Variants in LRBA observed in about 807,000 individuals in gnomAD.
LRBA encodes LPS responsive beige-like anchor protein, also known as lipopolysaccharide-responsive and beige-like anchor protein.
In LRBA, 176 loss-of-function variants were observed where a neutral mutation model predicts 330.0. The ratio of observed to expected loss-of-function variants is 0.53; its 90% CI spans 0.47 to 0.60. LRBA has a LOEUF of 0.60. Among genes scored for constraint, LRBA ranks in the 20% least tolerant of loss-of-function variants. LRBA has a pLI of 0.00. For missense variants in LRBA, 3,259 were observed against 3,444.8 expected, an observed-to-expected ratio of 0.95 and a Z score of 1.35; for synonymous variants, 1,230 against 1,193.0, an observed-to-expected ratio of 1.03 and a Z score of -0.64.
chr4:150,436,145 G>A (rs1165587504), intron 45 of LRBA, among the ~76,000 whole-genome samples: 11 of 152,094 alleles, frequency 7.2e-5, no homozygotes, highest in Non-Finnish European at 2.9e-5. Flanking sequence ...ACATATTAGT[G>A]GATAATTGCT....
intron 2 of LRBA, among the ~76,000 whole-genome samples, chr4:151,004,248 G>A (rs1743752593): frequency 6.6e-6 from 1 of 152,018 alleles, no homozygotes; most frequent in Non-Finnish European, 1.5e-5. Context: ...TCTTGGCCAC[G>A]CTGTTCTTGA....
chr4:150,472,411 A>G (rs151095810), intron 42 of LRBA, among the ~76,000 whole-genome samples: 1 of 152,272 alleles, frequency 6.6e-6, no homozygotes, highest in African/African-American at 2.4e-5. Flanking sequence ...TTTCTACCAC[A>G]AAAAACAAGG....
chr4:150,299,728 A>T (rs1729411273), intron 53 of LRBA, among the ~76,000 whole-genome samples: 1 of 151,998 alleles, frequency 6.6e-6, no homozygotes, highest in Non-Finnish European at 1.5e-5. Context: ...AAATAAAAAA[A>T]CCCTGAGATA....
At chr4:150,924,265 A>C (rs1579218589) in intron 4 of LRBA, among the ~76,000 whole-genome samples, 1 of 152,152 alleles carries the variant, frequency 6.6e-6, no homozygotes, top group Non-Finnish European at 1.5e-5. Context: ...TAATCTCAAC[A>C]CTTTAGGAGG....
chr4:150,793,284 C>A (rs917593097), intron 34 of LRBA, among the ~76,000 whole-genome samples: 2 of 151,896 alleles, frequency 1.3e-5, no homozygotes, highest in Admixed American at 6.6e-5. Flanking sequence ...GCCTGGGCAA[C>A]AGAGCAAGAC....
chr4:150,946,931 A>C (rs1450188271), intron 2 of LRBA, among the ~76,000 whole-genome samples: 1 of 151,552 alleles, frequency 6.6e-6, no homozygotes, highest in East Asian at 1.9e-4. Context: ...AAAAAAAAAA[A>C]TAGGGAATAC....
chr4:150,481,536 T>A (rs1757298340), intron 42 of LRBA, among the ~76,000 whole-genome samples: 1 of 152,058 alleles, frequency 6.6e-6, no homozygotes, highest in South Asian at 2.1e-4. Flanking sequence ...CTCTAAAAGG[T>A]CCCTCATAAC....
In LRBA at chr4:150,489,287, A is replaced by ACGTATATATAATATATTATATATAC. The variant is rs1561250553; in HGVS notation, c.6449-1454_6449-1453insGTATATATAATATATTATATATACG. Among the ~76,000 whole-genome samples, 60 of 57,164 alleles carry ACGTATATATAATATATTATATATAC rather than the reference A, an allele frequency of 1.0e-3. 6 individuals carry two copies. The Admixed American group carries it at 0.017, about 17-fold the overall frequency. 37.5% of individuals were successfully genotyped at this position (57,164 alleles called of 152,430 possible). On this transcript the variant is annotated intron_variant, in intron 41 of 56. Transcript: ENST00000651943. ...AAGAATATATAATATATTATATATAAGAATATATAATATATTATATATAAG... is the reference window on the plus strand; with the variant it reads ...AAGAATATATAATATATTATATATAACGTATATATAATATATTATATATACGAATATATAATATATTATATATAAG...
intron 2 of LRBA, among the ~76,000 whole-genome samples, chr4:150,959,275 T>C (rs1001717862): frequency 8.1e-5 from 12 of 149,068 alleles, no homozygotes; most frequent in East Asian, 1.9e-4. Context: ...ACTTATCCAC[T>C]ATCAAGAGAA....
chr4:150,863,793 C>A (rs1406650532), intron 22 of LRBA, among the ~76,000 whole-genome samples: 1 of 152,074 alleles, frequency 6.6e-6, no homozygotes, highest in Non-Finnish European at 1.5e-5. Context: ...CTCACAAGCT[C>A]AAAACACCTG....
At chr4:150,890,798 A>G (rs1729380548) in intron 17 of LRBA, among the ~76,000 whole-genome samples, 7 of 152,208 alleles carry the variant, frequency 4.6e-5, no homozygotes, top group Admixed American at 4.6e-4. Context: ...TGAACCAAAA[A>G]TTCACACACT....
At chr4:151,002,196 C>CAAAAAA (rs143587760) in intron 2 of LRBA, among the ~76,000 whole-genome samples, 4 of 24,384 alleles carry the variant, frequency 1.6e-4, no homozygotes, top group South Asian at 2.9e-3. Flanking sequence ...CATAAAACAG[C>CAAAAAA]AAAAAAAAAA....
chr4:150,296,331 A>G (rs1317426459), intron 53 of LRBA, among the ~76,000 whole-genome samples: 1 of 152,218 alleles, frequency 6.6e-6, no homozygotes, highest in Non-Finnish European at 1.5e-5. Context: ...ATGAAAGCTT[A>G]AAAAGCTCAA....
At chr4:150,561,525 G>C (rs765840309) in intron 40 of LRBA, among the ~76,000 whole-genome samples, 1 of 152,194 alleles carries the variant, frequency 6.6e-6, no homozygotes, top group African/African-American at 2.4e-5. Flanking sequence ...GAGGGTGGCA[G>C]ATTAAGTCAG....
At chr4:150,802,750 G>A (rs1404800628) in intron 33 of LRBA, among the ~76,000 whole-genome samples, 2 of 151,978 alleles carry the variant, frequency 1.3e-5, no homozygotes, top group East Asian at 3.9e-4. Flanking sequence ...ATGGCCAGAC[G>A]CAGTGGCTCA....
chr4:150,593,863 T>C (rs1443057191), intron 38 of LRBA, among the ~76,000 whole-genome samples: 1 of 152,122 alleles, frequency 6.6e-6, no homozygotes, highest in Non-Finnish European at 1.5e-5. Context: ...CAATATGTAA[T>C]GGTTTAAAAT....
intron 41 of LRBA, among the ~76,000 whole-genome samples, chr4:150,489,653 AATATTATATATAAGAATAT>A (rs1431489200): frequency 3.3e-5 from 4 of 121,662 alleles, no homozygotes; most frequent in African/African-American, 1.3e-4. Flanking sequence ...TATAATATAT[AATATTATATATAAGAATAT>A]ATATTATATA....
chr4:150,265,635 A>AAGTT lies in LRBA; in HGVS notation c.*83_*86dup, dbSNP rs1158834016. Reference sequence around the variant, plus strand: ...ATATTTTGCTTCTTTGAGCAAATTTAAGTTACATTCAGATGTGGTAGAAGA... The same window carrying AAGTT: ...ATATTTTGCTTCTTTGAGCAAATTTAAGTTAGTTACATTCAGATGTGGTAGAAGA... On this transcript the variant is annotated 3_prime_UTR_variant, in exon 57 of 57. Coordinates refer to ENST00000651943, the MANE Select transcript of LRBA (RefSeq NM_001364905.1). 10 of 863,218 alleles carry AAGTT rather than the reference A, an allele frequency of 1.2e-5. No homozygotes were observed. Among genetic ancestry groups the AAGTT allele is most frequent in the South Asian group, 4.5e-5 (3 of 66,318 alleles). 53.5% of individuals were successfully genotyped at this position (863,218 alleles called of 1,614,324 possible).
intron 40 of LRBA, among the ~76,000 whole-genome samples, chr4:150,527,123 A>G (rs188880056): frequency 1.3e-5 from 2 of 151,926 alleles, no homozygotes; most frequent in East Asian, 3.9e-4. Context: ...TGTATCCACT[A>G]TTCTTGGAAT....
Sources: gnomAD v4.1 joint callset for allele counts (sites outside exome capture counted in the v4.1 genomes callset) on GRCh38, gnomAD v4.1.1 for gene constraint, MANE v1.5 for transcripts, NCBI Gene and HGNC (gene_info 2026-07-23, HGNC 2026-07-21) for gene names.